Variants in CSMD1 observed in about 807,000 individuals in gnomAD.
CSMD1 encodes CUB and sushi domain-containing protein 1.
A neutral mutation model predicts 417.5 loss-of-function variants in CSMD1; 213 were observed. That is an observed-to-expected ratio of 0.51 (90% CI 0.46 to 0.57). The LOEUF (loss-of-function observed/expected upper bound fraction) is 0.57, where lower values mean the gene tolerates loss of function less well. CSMD1 is among the 20% of genes least tolerant of loss of function. The pLI, the probability that CSMD1 is intolerant of heterozygous loss-of-function variation, is 0.00. For synonymous variants in CSMD1, 2,862 were observed against 1,736.8 expected, an observed-to-expected ratio of 1.65 and a Z score of -16.11; for missense variants, 6,923 against 4,529.7, an observed-to-expected ratio of 1.53 and a Z score of -15.17.
intron 5 of CSMD1, among the ~76,000 whole-genome samples, chr8:3,785,092 T>C (rs73658265): frequency 0.33 from 50,271 of 152,078 alleles, 9,024 homozygotes; most frequent in Non-Finnish European, 0.39. Flanking sequence ...TGGGTCAAGA[T>C]TGACTGAATT....
chr8:3,966,753 ACGCGCG>A (rs58896410), intron 5 of CSMD1, among the ~76,000 whole-genome samples: 4,649 of 150,460 alleles, frequency 0.031, 88 homozygotes, highest in African/African-American at 0.04. Context: ...ACACACACAC[ACGCGCG>A]CGCGCGCACA....
At chr8:4,481,864 C>G (rs528732493) in intron 2 of CSMD1, among the ~76,000 whole-genome samples, 2 of 152,068 alleles carry the variant, frequency 1.3e-5, no homozygotes, top group East Asian at 1.9e-4. Context: ...TTTTAGAAGT[C>G]AGGAAACTGT....
At chr8:3,524,581 G>A (rs1178041377) in intron 10 of CSMD1, among the ~76,000 whole-genome samples, 1 of 144,226 alleles carries the variant, frequency 6.9e-6, no homozygotes, top group African/African-American at 2.6e-5. Context: ...AGACACTTAT[G>A]CACACACAAG....
At chr8:4,434,879 C>T (rs922679366) in intron 2 of CSMD1, among the ~76,000 whole-genome samples, 1 of 152,126 alleles carries the variant, frequency 6.6e-6, no homozygotes, top group African/African-American at 2.4e-5. Flanking sequence ...CATCTTTTTC[C>T]TCAAGAAAAT....
At position 3,235,942 on chromosome 8, in the gene CSMD1, G is replaced by T. The variant is rs1206371069; in HGVS notation, c.4154-5711C>A. On this transcript the variant is annotated intron_variant, in intron 26 of 69. Coordinates refer to ENST00000635120, the MANE Select transcript of CSMD1 (RefSeq NM_033225.6). Reference sequence around the variant, plus strand: ...TTTTTTTTTTTTTTTTTTTGAGACAGAGTCTTGATCTGTCGCCCAGGCTGG... The same window carrying T: ...TTTTTTTTTTTTTTTTTTTGAGACATAGTCTTGATCTGTCGCCCAGGCTGG... Among the ~76,000 whole-genome samples the T allele has an allele frequency of 4.7e-5, 4 of 85,034 alleles. No homozygotes were observed. In the Middle Eastern group the frequency reaches 0.024, roughly 506 times the overall value. 55.8% of individuals were successfully genotyped at this position (85,034 alleles called of 152,430 possible).
At chr8:3,261,930 A>G (rs527461803) in intron 26 of CSMD1, among the ~76,000 whole-genome samples, 1 of 151,990 alleles carries the variant, frequency 6.6e-6, no homozygotes, top group Admixed American at 6.6e-5. Flanking sequence ...CTACTTATTG[A>G]TAGTATCAAT....
At chr8:3,258,332 T>G (rs1316100290) in intron 26 of CSMD1, among the ~76,000 whole-genome samples, 1 of 152,004 alleles carries the variant, frequency 6.6e-6, no homozygotes, top group Admixed American at 6.6e-5. Context: ...TTGCCAACAA[T>G]CGTGGAAAAA....
In CSMD1 at chr8:4,376,343, A is replaced by G. The variant is rs1053194224; in HGVS notation, c.415+43610T>C. 4.6e-5 allele frequency among the ~76,000 whole-genome samples: 7 copies of G among 152,204 alleles called. No homozygotes were observed. In the East Asian group the frequency reaches 5.8e-4, roughly 13 times the overall value. ...TTCAAGAAGAGAATAAAAGTTACCTATAATCTCAACTCTTAGAAATACTTA... is the reference window on the plus strand; with the variant it reads ...TTCAAGAAGAGAATAAAAGTTACCTGTAATCTCAACTCTTAGAAATACTTA... On this transcript the variant is annotated intron_variant, in intron 3 of 69. Coordinates refer to ENST00000635120, the MANE Select transcript of CSMD1 (RefSeq NM_033225.6).
At chr8:4,100,916 A>G (rs377465592) in intron 3 of CSMD1, among the ~76,000 whole-genome samples, 10 of 152,248 alleles carry the variant, frequency 6.6e-5, no homozygotes, top group African/African-American at 9.6e-5. Context: ...AAAGTGGTGT[A>G]TATGAAGGTG....
At position 3,862,837 on chromosome 8, in the gene CSMD1, G is replaced by T. The variant is rs116159934; in HGVS notation, c.819-108795C>A. ...TGCCCTCAAATGGCAAGTTAGGGCA[G>T]GTGTCAAAATCTCTTGGTCATTAGT... On this transcript the variant is annotated intron_variant, in intron 5 of 69. Coordinates refer to ENST00000635120, the MANE Select transcript of CSMD1 (RefSeq NM_033225.6). Among the ~76,000 whole-genome samples, 145 of 152,264 alleles carry T rather than the reference G, an allele frequency of 9.5e-4. 1 individual carries two copies. The highest frequency in any genetic ancestry group is 1.8e-3 in the Non-Finnish European group (125 of 68,018).
At chr8:4,589,924 G>A (rs1437176104) in intron 2 of CSMD1, among the ~76,000 whole-genome samples, 1 of 152,106 alleles carries the variant, frequency 6.6e-6, no homozygotes, top group Non-Finnish European at 1.5e-5. Context: ...TGTGGCTTTT[G>A]TCTAACCCAC....
At chr8:3,118,671 A>C (rs1347094688) in intron 41 of CSMD1, 84 bp from the exon 42 acceptor site, 2 of 1,204,156 alleles carry the variant, frequency 1.7e-6, no homozygotes, top group African/African-American at 3.0e-5. Flanking sequence ...ATCACATGTG[A>C]CTGCTTGAGA....
rs376518528 is a variant in CSMD1 at position 3,219,292 on chromosome 8, G to C, written c.4635C>G (p.Ala1545=). 20 of 1,595,058 alleles carry C rather than the reference G, an allele frequency of 1.3e-5. No individual in the cohort carries two copies. Among genetic ancestry groups the C allele is most frequent in the Middle Eastern group, 3.5e-4 (2 of 5,754 alleles). The change falls in exon 29 of 70, where the codon GCC becomes GCG. Residue 1545 remains alanine, a synonymous_variant. Transcript: ENST00000635120. ...NSLFLAFRSD[A]SVGLSGFAIE... Reference sequence around the variant, plus strand: ...TGGCGAACCCTGAAAGGCCCACGGAGGCATCACTCCGAAATGCCAGAAACA... The same window carrying C: ...TGGCGAACCCTGAAAGGCCCACGGACGCATCACTCCGAAATGCCAGAAACA...
intron 14 of CSMD1, 111 bp downstream of exon 14, chr8:3,407,788 A>G (rs993033382): frequency 2.2e-6 from 2 of 913,196 alleles, no homozygotes; most frequent in Non-Finnish European, 3.3e-6. Flanking sequence ...TAATGATTAT[A>G]AAACCTCTGA....
chr8:3,101,893 C>G (rs189029425), intron 46 of CSMD1, among the ~76,000 whole-genome samples: 1 of 146,256 alleles, frequency 6.8e-6, no homozygotes, highest in Non-Finnish European at 1.5e-5. Context: ...CCTCCACATG[C>G]GGGGTTCAAG....
chr8:4,775,722 G>T (rs1229067076), intron 1 of CSMD1, among the ~76,000 whole-genome samples: 1 of 152,166 alleles, frequency 6.6e-6, no homozygotes, highest in Non-Finnish European at 1.5e-5. Context: ...ACGTGGGGAT[G>T]GGATATCTCC....
intron 3 of CSMD1, among the ~76,000 whole-genome samples, chr8:4,418,276 C>A (rs764050055): frequency 6.6e-6 from 1 of 152,076 alleles, no homozygotes; most frequent in African/African-American, 2.4e-5. Flanking sequence ...GGCCCTATTC[C>A]ATTTTCTAGA....
At chr8:4,693,714 G>A (rs1563155748) in intron 1 of CSMD1, among the ~76,000 whole-genome samples, 1 of 88,910 alleles carries the variant, frequency 1.1e-5, no homozygotes, top group Non-Finnish European at 2.2e-5. Flanking sequence ...TTCCCAGGCT[G>A]GAGTACACTG....
intron 10 of CSMD1, among the ~76,000 whole-genome samples, chr8:3,551,245 A>C (rs527294830): frequency 4.6e-5 from 7 of 152,344 alleles, no homozygotes; most frequent in African/African-American, 1.4e-4. Flanking sequence ...ATTTCTCAAG[A>C]AATATTAACT....
Sources: allele counts gnomAD v4.1 joint callset (sites outside exome capture counted in the v4.1 genomes callset), GRCh38; gene constraint gnomAD v4.1.1; transcripts MANE v1.5; gene names NCBI Gene and HGNC (gene_info 2026-07-23, HGNC 2026-07-21).